TRERF1: variants seen among roughly 807,000 people sequenced by gnomAD.
TRERF1 encodes the protein transcriptional-regulating factor 1.
Under a neutral mutation model 122.9 loss-of-function variants are expected in TRERF1, and 27 were observed. The ratio of observed to expected loss-of-function variants is 0.22; its 90% CI spans 0.16 to 0.30. The LOEUF (loss-of-function observed/expected upper bound fraction) is 0.30. TRERF1 is among the 10% of genes least tolerant of loss of function. TRERF1 has a pLI of 1.00. For missense variants in TRERF1, 1,248 were observed against 1,560.3 expected (o/e 0.80, Z 3.37); for synonymous variants, 636 against 641.7 (o/e 0.99, Z 0.13).
At chr6:42,451,317 CACTT>C (rs1336012494) in intron 1 of TRERF1, 56 bp from the exon 2 acceptor site, 1 of 152,612 alleles carries the variant, frequency 6.6e-6, no homozygotes, top group African/African-American at 2.4e-5. Flanking sequence ...CAGCGCTACT[CACTT>C]ACTGTACTGC....
At chr6:42,311,266 G>C (rs186557673) in intron 3 of TRERF1, among the ~76,000 whole-genome samples, 301 of 152,298 alleles carry the variant, frequency 2.0e-3, no homozygotes, top group Non-Finnish European at 3.9e-3. Flanking sequence ...TGATGAACAT[G>C]GGTGGCGCCT....
At chr6:42,376,115 C>T (rs2151088973) in intron 2 of TRERF1, among the ~76,000 whole-genome samples, 1 of 152,210 alleles carries the variant, frequency 6.6e-6, no homozygotes, top group Admixed American at 6.5e-5. Context: ...TGGGGTCAGC[C>T]CAATCAGTGT....
At chr6:42,254,427 C>T (rs768362099) in intron 13 of TRERF1, among the ~76,000 whole-genome samples, 3 of 152,202 alleles carry the variant, frequency 2.0e-5, no homozygotes, top group Admixed American at 6.5e-5. Flanking sequence ...AAAAACACTA[C>T]GAGGGATGGA....
At chr6:42,438,570 A>G (rs2151749876) in intron 2 of TRERF1, among the ~76,000 whole-genome samples, 1 of 151,490 alleles carries the variant, frequency 6.6e-6, no homozygotes, top group South Asian at 2.1e-4. Context: ...AGATCACACC[A>G]CTGCACTCCA....
intron 4 of TRERF1, among the ~76,000 whole-genome samples, chr6:42,280,335 G>A (rs1487007715): frequency 1.3e-5 from 2 of 152,212 alleles, no homozygotes; most frequent in South Asian, 4.1e-4. Context: ...GGCCTCCGAG[G>A]ATCCGGTTCT....
intron 2 of TRERF1, among the ~76,000 whole-genome samples, chr6:42,432,636 G>GTT: frequency 6.6e-6 from 1 of 152,166 alleles, no homozygotes; most frequent in Non-Finnish European, 1.5e-5. Context: ...GAGGTCAGGA[G>GTT]TTTGAGACCA....
At chr6:42,341,486 C>T (rs551513) in intron 3 of TRERF1, among the ~76,000 whole-genome samples, 25,781 of 152,142 alleles carry the variant, frequency 0.17, 3,005 homozygotes, top group African/African-American at 0.32. Flanking sequence ...TGGGTCTGCC[C>T]CGGAGTCTAA....
At position 42,263,109 on chromosome 6, in the gene TRERF1, A is replaced by G; in HGVS notation, c.1884+211T>C. On this transcript the variant is annotated intron_variant, in intron 8 of 17. Coordinates refer to ENST00000372922, the Ensembl canonical transcript of TRERF1. This position sits in a 1 kb window ranked among gnomAD's most constrained non-coding sequence, Gnocchi z 5.6. ...TTAATGGGGAGCAGGCAGTGTGAAC[A>G]AGGGTAGGGTTCCCAATGTGGCCAC... 7.9e-7 allele frequency: 1 copy of G among 1,263,052 alleles called. No individual in the cohort carries two copies. 78.2% of individuals were successfully genotyped at this position (1,263,052 alleles called of 1,614,324 possible). A position where few individuals can be genotyped will look rare whatever the true frequency, so the allele number is the denominator to read the frequency against.
intron 2 of TRERF1, among the ~76,000 whole-genome samples, chr6:42,449,598 C>T (rs2151845656): frequency 6.6e-6 from 1 of 152,294 alleles, no homozygotes; most frequent in African/African-American, 2.4e-5. Context: ...TAATTCCACC[C>T]TGGAATGAAC....
chr6:42,400,382 T>C (rs993330013), intron 2 of TRERF1, among the ~76,000 whole-genome samples: 4 of 152,128 alleles, frequency 2.6e-5, no homozygotes, highest in African/African-American at 9.7e-5. Flanking sequence ...ATAACAAATA[T>C]AACTATCCTG....
intron 2 of TRERF1, among the ~76,000 whole-genome samples, chr6:42,416,253 C>T (rs1781819858): frequency 6.6e-6 from 1 of 152,086 alleles, no homozygotes; most frequent in South Asian, 2.1e-4. Context: ...CTTATCCCCA[C>T]CAGAACAAGG....
At chr6:42,409,218 G>A (rs1780742268) in intron 2 of TRERF1, among the ~76,000 whole-genome samples, 1 of 152,070 alleles carries the variant, frequency 6.6e-6, no homozygotes, top group Non-Finnish European at 1.5e-5. Flanking sequence ...AGTTGAGGCT[G>A]CAGTGAGCCG....
chr6:42,290,741 C>CTTTTTTTTTTTT (rs144168592), intron 4 of TRERF1, among the ~76,000 whole-genome samples: 5 of 92,406 alleles, frequency 5.4e-5, no homozygotes, highest in African/African-American at 1.4e-4. Context: ...CATTTCTTTC[C>CTTTTTTTTTTTT]TTTTTTTTTT....
chr6:42,306,405 G>C (rs1787265745), intron 3 of TRERF1, among the ~76,000 whole-genome samples: 1 of 152,158 alleles, frequency 6.6e-6, no homozygotes, highest in African/African-American at 2.4e-5. Flanking sequence ...ACCATGATGG[G>C]ATATAGGCAG....
chr6:42,290,202 C>G (rs1425930785), intron 4 of TRERF1, among the ~76,000 whole-genome samples: 1 of 152,184 alleles, frequency 6.6e-6, no homozygotes, highest in Non-Finnish European at 1.5e-5. Context: ...CAAACTGTTT[C>G]TTTTGTCTCC....
At chr6:42,430,768 A>G (rs1035226014) in intron 2 of TRERF1, among the ~76,000 whole-genome samples, 3 of 152,062 alleles carry the variant, frequency 2.0e-5, no homozygotes, top group African/African-American at 7.2e-5. Flanking sequence ...GTGGTGGTGC[A>G]TGCCTATACT....
At chr6:42,398,160 C>T (rs1373773101) in intron 2 of TRERF1, among the ~76,000 whole-genome samples, 2 of 152,164 alleles carry the variant, frequency 1.3e-5, no homozygotes, top group Admixed American at 6.5e-5. Context: ...TAGCTGTGTG[C>T]CCCTGATTAG....
At chr6:42,290,015 A>G (rs901702504) in intron 4 of TRERF1, among the ~76,000 whole-genome samples, 3 of 152,202 alleles carry the variant, frequency 2.0e-5, no homozygotes, top group African/African-American at 7.2e-5. Flanking sequence ...AGACCTCAAC[A>G]GGAGCTGTCA....
At chr6:42,231,494 C>G (rs979248997) in intron 17 of TRERF1, among the ~76,000 whole-genome samples, 6 of 152,138 alleles carry the variant, frequency 3.9e-5, no homozygotes, top group African/African-American at 1.4e-4. Flanking sequence ...AGAGGTCCCA[C>G]CTAGCCTTGC....
Sources: gnomAD v4.1 joint callset for allele counts (sites outside exome capture counted in the v4.1 genomes callset) on GRCh38, gnomAD v4.1.1 for gene constraint, Gnocchi (gnomAD v3.1) non-coding constraint, MANE v1.5 for transcripts, NCBI Gene and HGNC (gene_info 2026-07-23, HGNC 2026-07-21) for gene names.